The following SARNP variants were observed in gnomAD, a reference collection of about 807,000 sequenced individuals.
SARNP encodes SAP domain-containing ribonucleoprotein.
A neutral mutation model predicts 38.1 loss-of-function variants in SARNP; 5 were observed. That is an observed-to-expected ratio of 0.13 (90% CI 0.07 to 0.28). The LOEUF is 0.28. Among genes scored for constraint, SARNP ranks in the 10% least tolerant of loss-of-function variants. The pLI, the probability that SARNP is intolerant of heterozygous loss-of-function variation, is 1.00. For missense variants in SARNP, 180 were observed against 243.9 expected, an observed-to-expected ratio of 0.74 and a Z score of 1.75; for synonymous variants, 84 against 80.6, an observed-to-expected ratio of 1.04 and a Z score of -0.23.
intron 2 of SARNP, 131 bp downstream of exon 2, chr12:55,803,494 AAGAG>A (rs200781330): frequency 2.9e-5 from 15 of 516,978 alleles, no homozygotes; most frequent in African/African-American, 1.2e-4. Context: ...AAAAAAAAAA[AAGAG>A]AGAGTTTTCT....
At chr12:55,781,447 T>C (rs980234491) in intron 9 of SARNP, among the ~76,000 whole-genome samples, 5 of 151,456 alleles carry the variant, frequency 3.3e-5, no homozygotes, top group South Asian at 2.1e-4. Context: ...GGCAGGAGAA[T>C]TGCTTAAAAC....
intron 4 of SARNP, 59 bp from the exon 5 acceptor site, chr12:55,796,135 G>T: frequency 8.2e-7 from 1 of 1,224,556 alleles, no homozygotes. Flanking sequence ...CACAACCTCA[G>T]AAATGTGTAA....
At chr12:55,796,146 G>A in intron 4 of SARNP, 70 bp from the exon 5 acceptor site, 1 of 1,095,858 alleles carries the variant, frequency 9.1e-7, no homozygotes, top group Non-Finnish European at 1.4e-6. Context: ...AAATGTGTAA[G>A]AATTCACCTG....
intron 9 of SARNP, among the ~76,000 whole-genome samples, chr12:55,773,179 C>G (rs1279596165): frequency 6.6e-6 from 1 of 152,180 alleles, no homozygotes; most frequent in African/African-American, 2.4e-5. Context: ...CACAACCCAA[C>G]CTAATTAATC....
chr12:55,817,622 G>T (rs375152243), intron 1 of SARNP, 44 bp downstream of exon 1: 6 of 1,587,184 alleles, frequency 3.8e-6, no homozygotes, highest in Non-Finnish European at 5.2e-6. Context: ...GTAGAATTCA[G>T]TTCCTAGAAA....
At chr12:55,781,533 C>CAA (rs56737127) in intron 9 of SARNP, among the ~76,000 whole-genome samples, 19 of 86,650 alleles carry the variant, frequency 2.2e-4, no homozygotes, top group African/African-American at 3.2e-4. Flanking sequence ...AACTCCGTCT[C>CAA]AAAAAAAAAA....
chr12:55,763,183 A>G (rs539454641), intron 9 of SARNP, among the ~76,000 whole-genome samples: 13 of 152,362 alleles, frequency 8.5e-5, no homozygotes, highest in East Asian at 3.9e-4. Flanking sequence ...AAAGAAAAAC[A>G]TAAGTATTCT....
chr12:55,757,773 A>G (rs1364389061), intron 10 of SARNP, among the ~76,000 whole-genome samples: 2 of 152,136 alleles, frequency 1.3e-5, no homozygotes, highest in Admixed American at 1.3e-4. Context: ...GAGGGTGAGG[A>G]GTAAAGAAGA....
intron 9 of SARNP, among the ~76,000 whole-genome samples, chr12:55,773,528 G>C (rs1879072579): frequency 6.6e-6 from 1 of 152,128 alleles, no homozygotes; most frequent in Non-Finnish European, 1.5e-5. Context: ...AAAGCAGAGA[G>C]AATCTTTCAT....
At chr12:55,776,860 A>C (rs1879197676) in intron 9 of SARNP, among the ~76,000 whole-genome samples, 1 of 152,248 alleles carries the variant, frequency 6.6e-6, no homozygotes, top group South Asian at 2.1e-4. Flanking sequence ...CCATCTCAAG[A>C]ACCAGGCTGG....
chr12:55,809,960 T>C (rs1565684299), intron 1 of SARNP, among the ~76,000 whole-genome samples: 1 of 152,186 alleles, frequency 6.6e-6, no homozygotes, highest in African/African-American at 2.4e-5. Flanking sequence ...TTTTGTGAAC[T>C]TGTGCATGAT....
At chr12:55,786,696 G>A (rs887750071) in intron 9 of SARNP, among the ~76,000 whole-genome samples, 5 of 152,010 alleles carry the variant, frequency 3.3e-5, no homozygotes, top group Non-Finnish European at 7.4e-5. Context: ...TGATCCACCC[G>A]CCTCAGCCTC....
intron 2 of SARNP, among the ~76,000 whole-genome samples, chr12:55,802,564 T>C (rs1880010664): frequency 6.6e-6 from 1 of 151,886 alleles, no homozygotes; most frequent in Non-Finnish European, 1.5e-5. Context: ...CTTTCAGATA[T>C]GTGGATAAGA....
At chr12:55,810,299 G>C (rs916837619) in intron 1 of SARNP, among the ~76,000 whole-genome samples, 1 of 151,858 alleles carries the variant, frequency 6.6e-6, no homozygotes, top group Non-Finnish European at 1.5e-5. Context: ...TTCCAGTAGA[G>C]ATGAGGTCTC....
intron 9 of SARNP, among the ~76,000 whole-genome samples, chr12:55,775,696 T>C (rs1879162600): frequency 6.6e-6 from 1 of 152,042 alleles, no homozygotes; most frequent in Non-Finnish European, 1.5e-5. Flanking sequence ...CACCAACAAG[T>C]ATTCCCCTTA....
At chr12:55,802,518 C>G (rs910836353) in intron 2 of SARNP, among the ~76,000 whole-genome samples, 1 of 151,872 alleles carries the variant, frequency 6.6e-6, no homozygotes, top group African/African-American at 2.4e-5. Context: ...AACTTTGTTT[C>G]ATGTACAAAA....
chr12:55,803,719 G>A lies in SARNP; in HGVS notation c.46C>T (p.Leu16=), dbSNP rs1421439234. The change falls in exon 2 of 11, where the codon CTA becomes TTA. Residue 16 remains leucine (L), a synonymous_variant. Transcript: ENST00000336133. The part of the protein sequence containing the change: ...VELHKLKLAE[L]KQECLARGLE... ...CCACGAGCAAGACATTCTTGCTTTA[G>A]TTCGGCAAGCTGAGGGGAAAAAAAT... 6.2e-7 allele frequency: 1 copy of A among 1,612,442 alleles called. No homozygotes were observed. The highest frequency in any genetic ancestry group is 1.1e-5 in the South Asian group (1 of 90,916).
intron 9 of SARNP, among the ~76,000 whole-genome samples, chr12:55,774,447 C>T (rs1019596668): frequency 1.3e-5 from 2 of 149,778 alleles, no homozygotes; most frequent in East Asian, 4.1e-4. Flanking sequence ...GGGCTAGGCA[C>T]GGTGGCTCAT....
At chr12:55,770,248 T>TG (rs1334171983) in intron 9 of SARNP, among the ~76,000 whole-genome samples, 1 of 151,028 alleles carries the variant, frequency 6.6e-6, no homozygotes, top group Non-Finnish European at 1.5e-5. Flanking sequence ...TTTTTTGAGA[T>TG]GGAGTCTCGC....
Sources: gnomAD v4.1 joint callset for allele counts (sites outside exome capture counted in the v4.1 genomes callset) on GRCh38, gnomAD v4.1.1 for gene constraint, MANE v1.5 for transcripts, NCBI Gene and HGNC (gene_info 2026-07-23, HGNC 2026-07-21) for gene names.